NPEPPS: variants seen among roughly 807,000 people sequenced by gnomAD.
NPEPPS encodes the protein puromycin-sensitive aminopeptidase.
NPEPPS carries 14 observed loss-of-function variants against 115.5 expected under a neutral mutation model. That is an observed-to-expected ratio of 0.12 (90% CI 0.08 to 0.19). NPEPPS has a LOEUF of 0.19. Ranked by LOEUF, NPEPPS falls within the 10% of genes least tolerant of loss-of-function variation. NPEPPS has a pLI of 1.00. For synonymous variants in NPEPPS, 285 were observed against 390.6 expected (o/e 0.73, Z 3.19); for missense variants, 523 against 1,110.8 (o/e 0.47, Z 7.52).
At chr17:47,620,844 C>CCA (rs1360143688) in intron 22 of NPEPPS, among the ~76,000 whole-genome samples, 1 of 152,066 alleles carries the variant, frequency 6.6e-6, no homozygotes, top group African/African-American at 2.4e-5. Flanking sequence ...AAAGTTTATT[C>CCA]AACTTTTAAT....
chr17:47,536,708 T>TA (rs1416677380), intron 1 of NPEPPS, among the ~76,000 whole-genome samples: 3 of 59,124 alleles, frequency 5.1e-5, no homozygotes, highest in African/African-American at 1.1e-4. Flanking sequence ...TGGCTTCTTT[T>TA]TTTTTTTTTT....
intron 1 of NPEPPS, among the ~76,000 whole-genome samples, chr17:47,542,909 C>T (rs1258968000): frequency 2.0e-5 from 3 of 151,910 alleles, no homozygotes; most frequent in Admixed American, 6.6e-5. Context: ...GAGGCTGAGA[C>T]GGGCGAATCA....
At position 47,608,448 on chromosome 17, in the gene NPEPPS, C is replaced by T. The variant is rs144973273; in HGVS notation, c.2095+2896C>T. On this transcript the variant is annotated intron_variant, in intron 17 of 22. Coordinates refer to ENST00000322157, the MANE Select transcript of NPEPPS (RefSeq NM_006310.4). ...CAGCCTGGGCAACAGAGCGGGACTC[C>T]GTCTCAAAAAAAAAAAAAAAAAAAA... is the stretch of plus-strand genomic sequence containing the variant. 3.1e-3 allele frequency among the ~76,000 whole-genome samples: 376 copies of T among 122,572 alleles called. 1 individual carries two copies. Among genetic ancestry groups the T allele is most frequent in the African/African-American group, 0.011 (353 of 32,234 alleles). The allele number at this position is 122,572 out of a possible 152,430, so 80.4% of individuals were successfully genotyped here.
chr17:47,617,352 G>A (rs1914269653), intron 19 of NPEPPS, among the ~76,000 whole-genome samples: 1 of 151,992 alleles, frequency 6.6e-6, no homozygotes, highest in African/African-American at 2.4e-5. Context: ...ATTTCCAGGG[G>A]TTCTCCCCCA....
At position 47,612,506 on chromosome 17, in the gene NPEPPS, A is replaced by T; in HGVS notation, c.2142A>T (p.Gly714=). The change falls in exon 18 of 23, where the codon GGA becomes GGT. Residue 714 remains glycine (G), a synonymous_variant. Coordinates refer to ENST00000322157, the MANE Select transcript of NPEPPS (RefSeq NM_006310.4). Reference sequence around the variant, plus strand: ...GGGGCTTGGTTCTGGGAAAACTAGGAAAAGCAGGACATAAGGCAACGTTAG... The same window carrying T: ...GGGGCTTGGTTCTGGGAAAACTAGGTAAAGCAGGACATAAGGCAACGTTAG... ...LLRGLVLGKL[G]KAGHKATLEE... is the part of the protein sequence containing the mutation. 6.2e-7 allele frequency: 1 copy of T among 1,613,956 alleles called. No homozygotes were observed. Among genetic ancestry groups the T allele is most frequent in the Non-Finnish European group, 8.5e-7 (1 of 1,179,862 alleles).
chr17:47,577,144 TA>T, intron 3 of NPEPPS: 1 of 566,312 alleles, frequency 1.8e-6, no homozygotes, highest in Non-Finnish European at 3.0e-6. Flanking sequence ...CTTGGAGATT[TA>T]AAACCGAGTA....
intron 21 of NPEPPS, chr17:47,619,469 G>A (rs912100662): frequency 7.1e-5 from 36 of 509,374 alleles, no homozygotes; most frequent in African/African-American, 6.2e-4. Context: ...CAGGAGAATC[G>A]CTTGAACCTG....
chr17:47,559,627 T>C (rs776722515), intron 2 of NPEPPS: 2 of 455,716 alleles, frequency 4.4e-6, no homozygotes, highest in Non-Finnish European at 4.4e-6. Context: ...GGGCTTCAGA[T>C]GTTCAGAAGT....
chr17:47,546,121 G>C, intron 2 of NPEPPS, 128 bp downstream of exon 2: 2 of 1,469,306 alleles, frequency 1.4e-6, no homozygotes, highest in Non-Finnish European at 1.8e-6. Context: ...TTCAATGTTT[G>C]TTACTTTAGA....
At chr17:47,588,293 G>T (rs113240185) in intron 9 of NPEPPS, among the ~76,000 whole-genome samples, 1 of 152,176 alleles carries the variant, frequency 6.6e-6, no homozygotes, top group Admixed American at 6.5e-5. Context: ...CGGGCACGGT[G>T]GCTCACGCCG....
intron 1 of NPEPPS, among the ~76,000 whole-genome samples, chr17:47,533,448 A>G (rs1171842954): frequency 2.6e-5 from 4 of 151,792 alleles, no homozygotes; most frequent in African/African-American, 7.3e-5. Flanking sequence ...GACTTGGCAA[A>G]CCTTTGGGAA....
chr17:47,569,921 A>G (rs1398741306), intron 3 of NPEPPS, among the ~76,000 whole-genome samples: 2 of 152,132 alleles, frequency 1.3e-5, no homozygotes, highest in Admixed American at 1.3e-4. Context: ...GCCCAGCCGT[A>G]TTAAGAGCTT....
chr17:47,599,460 G>A (rs1913058107), intron 13 of NPEPPS, among the ~76,000 whole-genome samples: 1 of 152,176 alleles, frequency 6.6e-6, no homozygotes, highest in Non-Finnish European at 1.5e-5. Context: ...GTAAACACAT[G>A]TACTTACCAT....
intron 17 of NPEPPS, among the ~76,000 whole-genome samples, chr17:47,610,940 G>A (rs1454196550): frequency 9.6e-5 from 13 of 134,988 alleles, no homozygotes; most frequent in African/African-American, 3.7e-4. Flanking sequence ...TGCAACCTCC[G>A]CCTCCTGGGT....
chr17:47,587,640 T>C (rs932021071), intron 9 of NPEPPS, among the ~76,000 whole-genome samples: 11 of 152,288 alleles, frequency 7.2e-5, no homozygotes, highest in African/African-American at 2.4e-4. Context: ...CTCTTAGGTG[T>C]AGATGAATGA....
intron 2 of NPEPPS, among the ~76,000 whole-genome samples, chr17:47,556,577 C>T (rs1910050238): frequency 1.3e-5 from 2 of 152,192 alleles, no homozygotes; most frequent in African/African-American, 4.8e-5. Context: ...TCATGGCCCG[C>T]TCTCAATGAG....
At chr17:47,569,667 G>T (rs1911076685) in intron 3 of NPEPPS, among the ~76,000 whole-genome samples, 173 bp downstream of exon 3, 3 of 151,566 alleles carry the variant, frequency 2.0e-5, no homozygotes, top group Admixed American at 6.6e-5. Flanking sequence ...GCCCAGGCTG[G>T]AGAGTAGTGG....
intron 2 of NPEPPS, chr17:47,557,313 A>C (rs1335565534): frequency 6.6e-6 from 1 of 151,872 alleles, no homozygotes; most frequent in African/African-American, 2.4e-5. Flanking sequence ...CCTGACCTCA[A>C]GTGATCGGTT....
chr17:47,542,423 G>A (rs569754069), intron 1 of NPEPPS, among the ~76,000 whole-genome samples: 1 of 152,116 alleles, frequency 6.6e-6, no homozygotes, highest in Admixed American at 6.6e-5. Flanking sequence ...GCACATGCCT[G>A]TAATCCCAGC....
Sources: allele counts gnomAD v4.1 joint callset (sites outside exome capture counted in the v4.1 genomes callset), GRCh38; gene constraint gnomAD v4.1.1; transcripts MANE v1.5; gene names NCBI Gene and HGNC (gene_info 2026-07-23, HGNC 2026-07-21).